Variants in SOX13 observed in about 807,000 individuals in gnomAD.
The protein encoded by SOX13 is SRY-box transcription factor 13.
Under a neutral mutation model 71.8 loss-of-function variants are expected in SOX13, and 28 were observed. That is an observed-to-expected ratio of 0.39 (90% CI 0.29 to 0.53). SOX13 has a LOEUF of 0.53. Among genes scored for constraint, SOX13 ranks in the 20% least tolerant of loss-of-function variants. The pLI, the probability that SOX13 is intolerant of heterozygous loss-of-function variation, is 0.70. For missense variants in SOX13, 627 were observed against 810.3 expected (o/e 0.77, Z 2.75); for synonymous variants, 309 against 317.8 (o/e 0.97, Z 0.29).
chr1:204,077,678 G>C (rs1655810916), intron 1 of SOX13, among the ~76,000 whole-genome samples: 1 of 152,232 alleles, frequency 6.6e-6, no homozygotes, highest in Non-Finnish European at 1.5e-5. Context: ...AATCTGGGAG[G>C]ATGCATCAGA....
chr1:204,101,503 T>TAAAAAAA (rs1656359698), intron 1 of SOX13, among the ~76,000 whole-genome samples: 3 of 10,332 alleles, frequency 2.9e-4, no homozygotes, highest in Non-Finnish European at 3.2e-4. Flanking sequence ...CCCTCTTTAT[T>TAAAAAAA]TAAAAAAAAA....
intron 7 of SOX13, chr1:204,117,995 T>G: frequency 3.1e-6 from 1 of 322,316 alleles, no homozygotes; most frequent in Non-Finnish European, 5.7e-6. Context: ...AGTATTAATA[T>G]CTGGAATATT....
In SOX13 at chr1:204,116,152, C is replaced by T. The variant is rs1656688677; in HGVS notation, c.419-355C>T. 10 of 1,237,488 alleles carry T rather than the reference C, an allele frequency of 8.1e-6. No homozygotes were observed. The South Asian group carries it at 1.2e-4, about 15-fold the overall frequency. 76.7% of individuals were successfully genotyped at this position (1,237,488 alleles called of 1,614,324 possible). ...TGCTTCAAAGCCTGAGTGTGTCCCA[C>T]TGGATCCCTCCGATGGGATGGTTGT... is the stretch of plus-strand genomic sequence containing the variant. On this transcript the variant is annotated intron_variant, in intron 4 of 13. Coordinates refer to ENST00000367204, the MANE Select transcript of SOX13 (RefSeq NM_005686.3).
At chr1:204,080,883 G>A (rs1459358519) in intron 1 of SOX13, among the ~76,000 whole-genome samples, 1 of 151,866 alleles carries the variant, frequency 6.6e-6, no homozygotes, top group African/African-American at 2.4e-5. Context: ...CTGTAGCTGG[G>A]GGTGGTCAAT....
Position 204,112,986 on chromosome 1 carries a change from T to C in SOX13, c.71T>C (p.Ile24Thr). Residue 24 changes from isoleucine (I) to threonine (T), a missense_variant, in exon 2 of 14, where the codon ATC becomes ACC. Physicochemically the swap from Ile to Thr is moderately conservative, Grantham distance 89 (BLOSUM62 -1). Transcript: ENST00000367204. ...GTTGGCACCATGGTGAACTGCACCA[T>C]CAAGTCAGAGGAGAAGAAAGAGCCT... Reference protein sequence around the residue: ...DGVGTMVNCTIKSEEKKEPCH... With the variant: ...DGVGTMVNCTTKSEEKKEPCH... 6.2e-7 allele frequency: 1 copy of C among 1,613,580 alleles called. No homozygotes were observed. Among genetic ancestry groups the C allele is most frequent in the Non-Finnish European group, 8.5e-7 (1 of 1,179,862 alleles).
chr1:204,103,134 C>CA (rs1286501769), intron 1 of SOX13, among the ~76,000 whole-genome samples: 8 of 152,250 alleles, frequency 5.3e-5, no homozygotes, highest in African/African-American at 1.9e-4. Flanking sequence ...ATCTCTTACT[C>CA]ACAAAATAGT....
intron 2 of SOX13, among the ~76,000 whole-genome samples, chr1:204,113,683 T>G (rs1656632210): frequency 6.6e-6 from 1 of 151,730 alleles, no homozygotes. Flanking sequence ...ATGAGGAGAG[T>G]TATGGGCTCT....
chr1:204,082,498 G>A (rs1463765770), intron 1 of SOX13, among the ~76,000 whole-genome samples: 1 of 152,160 alleles, frequency 6.6e-6, no homozygotes, highest in African/African-American at 2.4e-5. Context: ...GAGCAGTAGT[G>A]GGCTATCACC....
chr1:204,123,017 G>A lies in SOX13; in HGVS notation c.1134+54G>A. The A allele has an allele frequency of 6.6e-7, 1 of 1,504,498 alleles. No individual in the cohort carries two copies. The highest frequency in any genetic ancestry group is 9.2e-7 in the Non-Finnish European group (1 of 1,085,844). The allele number at this position is 1,504,498 out of a possible 1,614,324, so 93.2% of individuals were successfully genotyped here. On this transcript the variant is annotated intron_variant, in intron 10 of 13. Transcript: ENST00000367204. The surrounding 1 kb of genome is among the most constrained non-coding windows in gnomAD (Gnocchi z 5.0). ...GGGCAGCAACAGATGGTGGCCAGGA[G>A]TGGAAGACACAGTCTGAGGCCACCA...
chr1:204,125,026 C>T (rs975423590), intron 13 of SOX13, among the ~76,000 whole-genome samples, 169 bp downstream of exon 13: 7 of 152,028 alleles, frequency 4.6e-5, no homozygotes, highest in East Asian at 1.9e-4. Flanking sequence ...ACGTGCGACC[C>T]GACTGTGTAT....
In SOX13 at chr1:204,122,339, C is replaced by T. The variant is rs201524589; in HGVS notation, c.964C>T (p.Pro322Ser). ...SLKMSSCVPR[P>S]PSHGGPTRDL... ...GAAGATGAGCAGCTGTGTGCCCCGC[C>T]CCCCCAGCCATGGAGGCCCCACGCG... Residue 322 changes from proline (P) to serine (S), a missense_variant, in exon 9 of 14, where the codon CCC (proline) becomes TCC (serine). Pro to Ser is a moderately conservative substitution (Grantham distance 74). Transcript: ENST00000367204. 2.4e-5 allele frequency: 37 copies of T among 1,561,552 alleles called. No homozygotes were observed. Among genetic ancestry groups the T allele is most frequent in the South Asian group, 3.5e-5 (3 of 85,218 alleles).
At chr1:204,105,025 G>A (rs1007434575) in intron 1 of SOX13, among the ~76,000 whole-genome samples, 1 of 152,148 alleles carries the variant, frequency 6.6e-6, no homozygotes, top group Admixed American at 6.5e-5. Context: ...CAGAGGGGCC[G>A]TGACAGGGCT....
rs1186963821 is a variant in SOX13, at chr1:204,122,287, G to A, written c.912G>A (p.Leu304=). The A allele has an allele frequency of 1.3e-6, 2 of 1,587,742 alleles. No homozygotes were observed. Among genetic ancestry groups the A allele is most frequent in the Admixed American group, 1.8e-5 (1 of 56,416 alleles). Residue 304 remains leucine, a synonymous_variant, in exon 9 of 14, where the codon CTG becomes CTA. Coordinates refer to ENST00000367204, the MANE Select transcript of SOX13 (RefSeq NM_005686.3). ...CAGCCAAGCCCAAGGCCCCCGAGCT[G>A]CCCAACACCTCCAGCTCCCCAAGCC... ...NLTAKPKAPE[L]PNTSSSPSLK...
At chr1:204,077,658 G>A (rs1189530729) in intron 1 of SOX13, among the ~76,000 whole-genome samples, 1 of 152,178 alleles carries the variant, frequency 6.6e-6, no homozygotes, top group Non-Finnish European at 1.5e-5. Flanking sequence ...ATGCACACAC[G>A]CAAGGACAGA....
chr1:204,074,763 C>A (rs1655749828), intron 1 of SOX13, among the ~76,000 whole-genome samples: 1 of 152,224 alleles, frequency 6.6e-6, no homozygotes, highest in Non-Finnish European at 1.5e-5. Flanking sequence ...TGGACCTTTC[C>A]GGGAGGACCC....
chr1:204,115,735 C>T (rs552561560), intron 4 of SOX13, among the ~76,000 whole-genome samples: 6 of 120,942 alleles, frequency 5.0e-5, no homozygotes, highest in Admixed American at 2.3e-4. Flanking sequence ...GGTGTGATTT[C>T]GGCTCACTGC....
intron 8 of SOX13, 92 bp downstream of exon 8, chr1:204,122,077 G>A (rs1023280265): frequency 1.3e-5 from 14 of 1,068,092 alleles, no homozygotes; most frequent in Middle Eastern, 4.1e-4. Flanking sequence ...GGACTGGTGA[G>A]CCCTGGCATC....
chr1:204,108,213 T>C (rs966444419), intron 1 of SOX13, among the ~76,000 whole-genome samples: 1 of 152,218 alleles, frequency 6.6e-6, no homozygotes, highest in Non-Finnish European at 1.5e-5. Flanking sequence ...AACCAACTTA[T>C]CCAAAAAGAA....
At position 204,087,113 on chromosome 1, in the gene SOX13, G is replaced by A. The variant is rs1016601100; in HGVS notation, c.-2+13402G>A. Among the ~76,000 whole-genome samples the A allele has an allele frequency of 8.6e-5, 13 of 151,970 alleles. No homozygotes were observed. The South Asian group carries it at 1.2e-3, about 15-fold the overall frequency. ...TAATTTTTGTATTTTTAGTAGAGAC[G>A]GGGTTTCACCGTGTTAGCCAGGATG... On this transcript the variant is annotated intron_variant, in intron 1 of 13. Transcript: ENST00000367204.
Sources: allele counts gnomAD v4.1 joint callset (sites outside exome capture counted in the v4.1 genomes callset), GRCh38; gene constraint gnomAD v4.1.1; non-coding constraint Gnocchi (gnomAD v3.1); transcripts MANE v1.5; gene names NCBI Gene and HGNC (gene_info 2026-07-23, HGNC 2026-07-21).